SYT16: variants seen among roughly 807,000 people sequenced by gnomAD.
SYT16 encodes synaptotagmin 16, also known as synaptotagmin-16.
A neutral mutation model predicts 61.4 loss-of-function variants in SYT16; 42 were observed. The ratio of observed to expected loss-of-function variants is 0.68; its 90% confidence interval spans 0.53 to 0.89. The LOEUF is 0.89. SYT16 is among the 40% of genes least tolerant of loss of function. The pLI is 0.00. For missense variants in SYT16, 804 were observed against 807.3 expected (o/e 1.00, Z 0.05); for synonymous variants, 314 against 302.3 (o/e 1.04, Z -0.40).
At chr14:61,853,196 G>A (rs1355082668) in intron 1 of SYT16, among the ~76,000 whole-genome samples, 1 of 152,226 alleles carries the variant, frequency 6.6e-6, no homozygotes, top group East Asian at 1.9e-4. Context: ...TGGGATTACA[G>A]GCATAAGCCA....
intron 1 of SYT16, among the ~76,000 whole-genome samples, chr14:61,898,901 C>T (rs948056707): frequency 5.9e-5 from 9 of 152,060 alleles, no homozygotes; most frequent in East Asian, 1.9e-4. Flanking sequence ...AAGAGAGGGA[C>T]GAAGAATACT....
intron 3 of SYT16, among the ~76,000 whole-genome samples, chr14:62,034,360 C>A (rs975096408): frequency 1.3e-5 from 2 of 152,088 alleles, no homozygotes; most frequent in Admixed American, 1.3e-4. Context: ...GGCATAAATT[C>A]AAGAGAAATG....
At chr14:61,871,014 G>A (rs1455706576) in intron 1 of SYT16, among the ~76,000 whole-genome samples, 3 of 152,094 alleles carry the variant, frequency 2.0e-5, no homozygotes, top group Admixed American at 6.6e-5. Context: ...ATTGTTGGAC[G>A]GTGGTTCATT....
intron 3 of SYT16, among the ~76,000 whole-genome samples, chr14:62,003,727 A>G (rs1156661576): frequency 1.3e-5 from 2 of 152,144 alleles, no homozygotes; most frequent in Non-Finnish European, 1.5e-5. Flanking sequence ...GGGCTGAGGG[A>G]TAATTGTGTA....
chr14:61,832,138 T>A, intron 1 of SYT16: 1 of 712,150 alleles, frequency 1.4e-6, no homozygotes, highest in South Asian at 1.4e-5. Context: ...AACTCGACTT[T>A]CCCATCCGTG....
intron 1 of SYT16, among the ~76,000 whole-genome samples, chr14:61,837,854 T>C (rs2046182232): frequency 6.6e-6 from 1 of 152,236 alleles, no homozygotes; most frequent in Non-Finnish European, 1.5e-5. Flanking sequence ...TTTCTCAGTA[T>C]CCAGCAAAGC....
At chr14:62,057,403 T>C (rs1266955838) in intron 3 of SYT16, among the ~76,000 whole-genome samples, 2 of 152,126 alleles carry the variant, frequency 1.3e-5, no homozygotes, top group African/African-American at 4.8e-5. Flanking sequence ...TTCGTGGCTG[T>C]TGGGACAGGG....
intron 3 of SYT16, among the ~76,000 whole-genome samples, chr14:62,024,520 A>G (rs1427444446): frequency 6.6e-6 from 1 of 152,072 alleles, no homozygotes; most frequent in African/African-American, 2.4e-5. Flanking sequence ...AATAAAATTG[A>G]TCGGAAAGTG....
At chr14:61,905,180 C>T (rs2048657760) in intron 1 of SYT16, among the ~76,000 whole-genome samples, 1 of 152,220 alleles carries the variant, frequency 6.6e-6, no homozygotes, top group Admixed American at 6.5e-5. Flanking sequence ...ACACAATTCT[C>T]AGATGCCTGA....
intron 1 of SYT16, among the ~76,000 whole-genome samples, chr14:61,843,076 CT>C (rs202147341): frequency 1.3e-4 from 19 of 147,462 alleles, no homozygotes; most frequent in African/African-American, 4.5e-4. Context: ...GTACTGATAT[CT>C]TTTTTTTTAA....
At chr14:61,929,222 G>A (rs950804297) in intron 1 of SYT16, among the ~76,000 whole-genome samples, 1 of 152,216 alleles carries the variant, frequency 6.6e-6, no homozygotes, top group African/African-American at 2.4e-5. Context: ...TGTGAAATTT[G>A]TTGGTCAAGG....
chr14:61,917,234 G>A (rs967544583), intron 1 of SYT16, among the ~76,000 whole-genome samples: 2 of 152,132 alleles, frequency 1.3e-5, no homozygotes, highest in African/African-American at 4.8e-5. Flanking sequence ...ATCCTTGCAT[G>A]GATGTCTATT....
chr14:61,980,687 C>G (rs1400040096), intron 2 of SYT16, among the ~76,000 whole-genome samples: 1 of 152,070 alleles, frequency 6.6e-6, no homozygotes, highest in Non-Finnish European at 1.5e-5. Flanking sequence ...AGTCCCTACT[C>G]TCTTAGAAAT....
intron 1 of SYT16, chr14:61,865,293 T>A: frequency 2.6e-6 from 2 of 760,390 alleles, no homozygotes; most frequent in Middle Eastern, 2.4e-4. Flanking sequence ...GCCCTACACA[T>A]CCCTCTGAAC....
chr14:62,079,392 C>A, intron 5 of SYT16: 1 of 1,216,136 alleles, frequency 8.2e-7, no homozygotes, highest in Non-Finnish European at 1.1e-6. Context: ...TACTGTCTGT[C>A]AAGTCCTCTA....
At chr14:62,083,865 A>T (rs537156852) in intron 6 of SYT16, among the ~76,000 whole-genome samples, 1 of 152,128 alleles carries the variant, frequency 6.6e-6, no homozygotes, top group Non-Finnish European at 1.5e-5. Context: ...ACAGGGGGGA[A>T]TTTGAGTCTA....
At chr14:61,885,597 C>T (rs2047868808) in intron 1 of SYT16, among the ~76,000 whole-genome samples, 1 of 152,148 alleles carries the variant, frequency 6.6e-6, no homozygotes, top group Non-Finnish European at 1.5e-5. Flanking sequence ...ATACAGAATC[C>T]TGTTTTAGAA....
intron 3 of SYT16, among the ~76,000 whole-genome samples, chr14:62,048,491 A>C (rs917294867): frequency 1.3e-5 from 2 of 151,634 alleles, no homozygotes; most frequent in Non-Finnish European, 2.9e-5. Flanking sequence ...TTCTGCTCTG[A>C]TCTTAGTTAT....
intron 1 of SYT16, among the ~76,000 whole-genome samples, chr14:61,893,993 A>G (rs904858285): frequency 6.6e-6 from 1 of 152,170 alleles, no homozygotes; most frequent in Non-Finnish European, 1.5e-5. Context: ...AGCTCAGGAA[A>G]AAAAGGCCTG....
Sources: allele counts gnomAD v4.1 joint callset (sites outside exome capture counted in the v4.1 genomes callset), GRCh38; gene constraint gnomAD v4.1.1; transcripts MANE v1.5; gene names NCBI Gene and HGNC (gene_info 2026-07-23, HGNC 2026-07-21).